Variants in SLC38A9 observed in about 807,000 individuals in gnomAD.
SLC38A9 encodes neutral amino acid transporter 9.
SLC38A9 carries 48 observed loss-of-function variants against 62.3 expected under a neutral mutation model. The ratio of observed to expected loss-of-function variants is 0.77; its 90% confidence interval spans 0.61 to 0.98. SLC38A9 has a LOEUF of 0.98. Ranked by LOEUF, SLC38A9 falls within the 50% of genes least tolerant of loss-of-function variation. The probability of loss-of-function intolerance (pLI) is 0.00; values close to 1 mark genes in which losing one functional copy is unlikely to be tolerated. For missense variants in SLC38A9, 541 were observed against 679.8 expected (o/e 0.80, Z 2.27); for synonymous variants, 204 against 227.7 (o/e 0.90, Z 0.94).
At chr5:55,644,858 C>G (rs1035435603) in intron 12 of SLC38A9, among the ~76,000 whole-genome samples, 4 of 151,894 alleles carry the variant, frequency 2.6e-5, no homozygotes. Context: ...CTAATGCTAT[C>G]CCTCCCCACT....
chr5:55,633,357 G>A (rs1028772013), intron 14 of SLC38A9: 1 of 154,834 alleles, frequency 6.5e-6, no homozygotes, highest in African/African-American at 2.4e-5. Flanking sequence ...CAAAACTTCA[G>A]AGGGCAAAGG....
chr5:55,658,816 C>T (rs559379614), intron 8 of SLC38A9, among the ~76,000 whole-genome samples: 34 of 152,252 alleles, frequency 2.2e-4, no homozygotes, highest in African/African-American at 7.7e-4. Flanking sequence ...GGAAAAGACA[C>T]AAAAGATCTA....
intron 2 of SLC38A9, among the ~76,000 whole-genome samples, chr5:55,701,893 T>G (rs1211463511): frequency 6.6e-6 from 1 of 152,212 alleles, no homozygotes; most frequent in Non-Finnish European, 1.5e-5. Flanking sequence ...ATCCAGAGCC[T>G]GTTCTCTTTA....
intron 3 of SLC38A9, among the ~76,000 whole-genome samples, chr5:55,689,265 C>T (rs1291512910): frequency 6.6e-6 from 1 of 152,048 alleles, no homozygotes; most frequent in East Asian, 1.9e-4. Context: ...TAAAATAAGG[C>T]ATAGAAAAGC....
chr5:55,682,450 A>C (rs1753162753), intron 3 of SLC38A9, among the ~76,000 whole-genome samples: 1 of 152,222 alleles, frequency 6.6e-6, no homozygotes, highest in Admixed American at 6.5e-5. Context: ...ATGCTAGTAC[A>C]GGATGAGTTC....
At chr5:55,663,634 G>A (rs945682416) in intron 8 of SLC38A9, among the ~76,000 whole-genome samples, 26 of 152,072 alleles carry the variant, frequency 1.7e-4, no homozygotes, top group South Asian at 8.3e-4. Context: ...TCGGAAGGCC[G>A]AAGCAGGAGA....
At chr5:55,705,744 G>A (rs1220801670) in intron 2 of SLC38A9, among the ~76,000 whole-genome samples, 1 of 148,184 alleles carries the variant, frequency 6.7e-6, no homozygotes. Flanking sequence ...GTCTCGCTCT[G>A]TCACCCAGGC....
chr5:55,708,100 A>T (rs184290817), intron 2 of SLC38A9, among the ~76,000 whole-genome samples: 1 of 152,054 alleles, frequency 6.6e-6, no homozygotes, highest in Admixed American at 6.5e-5. Context: ...GCACCAAGAG[A>T]CTGAGATAGG....
intron 8 of SLC38A9, among the ~76,000 whole-genome samples, chr5:55,663,723 ACT>A (rs1750016538): frequency 6.6e-6 from 1 of 152,098 alleles, no homozygotes; most frequent in African/African-American, 2.4e-5. Context: ...ACAGAGCAAG[ACT>A]CTGTCTCCAA....
chr5:55,645,457 C>T (rs1298729820), intron 12 of SLC38A9, among the ~76,000 whole-genome samples: 1 of 152,154 alleles, frequency 6.6e-6, no homozygotes, highest in Non-Finnish European at 1.5e-5. Flanking sequence ...ACTCATGGGC[C>T]AAATCTTGTC....
At chr5:55,643,368 T>A (rs1020731533) in intron 12 of SLC38A9, among the ~76,000 whole-genome samples, 1 of 152,224 alleles carries the variant, frequency 6.6e-6, no homozygotes, top group African/African-American at 2.4e-5. Flanking sequence ...TTGATTTGTA[T>A]CTTCACTCCA....
At chr5:55,656,853 T>C (rs1202667872) in intron 8 of SLC38A9, 79 bp from the exon 9 acceptor site, 4 of 602,550 alleles carry the variant, frequency 6.6e-6, no homozygotes, top group Non-Finnish European at 9.8e-6. Flanking sequence ...CTTTTATTTA[T>C]AAAAATCTTT....
chr5:55,678,659 T>G (rs866643975), intron 3 of SLC38A9, among the ~76,000 whole-genome samples: 2,761 of 136,944 alleles, frequency 0.02, 122 homozygotes, highest in African/African-American at 0.071. Flanking sequence ...TTTTTTTTTT[T>G]TTTTTTTTTT....
chr5:55,649,063 A>T (rs2150156871), intron 11 of SLC38A9, 144 bp downstream of exon 11: 1 of 473,036 alleles, frequency 2.1e-6, no homozygotes, highest in East Asian at 3.4e-5. Flanking sequence ...ATCCAAAATA[A>T]TCTCAACTGT....
chr5:55,672,654 T>C lies in SLC38A9; in HGVS notation c.155A>G (p.His52Arg). Residue 52 changes from histidine to arginine, a missense_variant, in exon 4 of 16, where the codon CAT becomes CGT. Transcript: ENST00000396865. ...ATGGTCACTAACCCTCTGAATGACA[T>C]GATTCACATTCACGATGTTTGTGGG... ...IEPTNIVNVN[H>R]VIQRVSDHAS... 2.5e-6 allele frequency: 4 copies of C among 1,614,112 alleles called. No individual in the cohort carries two copies. Among genetic ancestry groups the C allele is most frequent in the Non-Finnish European group, 3.4e-6 (4 of 1,179,998 alleles).
intron 12 of SLC38A9, among the ~76,000 whole-genome samples, chr5:55,644,811 C>T (rs188431499): frequency 6.6e-6 from 1 of 152,206 alleles, no homozygotes; most frequent in African/African-American, 2.4e-5. Context: ...TGGTGTGCTG[C>T]ACCCATTAAC....
chr5:55,692,751 T>TA (rs1754918887), intron 3 of SLC38A9: 2 of 985,410 alleles, frequency 2.0e-6, no homozygotes, highest in East Asian at 1.1e-4. Flanking sequence ...TTTAATGACT[T>TA]ACATTCTGTT....
chr5:55,677,926 T>TTTTGTGTGTGTGTGTG (rs1554062823), intron 3 of SLC38A9, among the ~76,000 whole-genome samples: 1 of 112,144 alleles, frequency 8.9e-6, no homozygotes, highest in Middle Eastern at 4.3e-3. Context: ...TTTTTCTTTA[T>TTTTGTGTGTGTGTGTG]TGTGTGTGTG....
At chr5:55,683,096 T>C (rs1561406367) in intron 3 of SLC38A9, among the ~76,000 whole-genome samples, 1 of 152,176 alleles carries the variant, frequency 6.6e-6, no homozygotes, top group East Asian at 1.9e-4. Context: ...AATGATGGCA[T>C]GTAATATAAA....
Sources: gnomAD v4.1 joint callset for allele counts (sites outside exome capture counted in the v4.1 genomes callset) on GRCh38, gnomAD v4.1.1 for gene constraint, MANE v1.5 for transcripts, NCBI Gene and HGNC (gene_info 2026-07-23, HGNC 2026-07-21) for gene names.